DAPL1: variants seen among roughly 807,000 people sequenced by gnomAD.
DAPL1 encodes death-associated protein-like 1.
A neutral mutation model predicts 12.9 loss-of-function variants in DAPL1; 17 were observed. The observed-to-expected ratio is 1.32, with a 90% CI of 0.90 to 1.98. The LOEUF (loss-of-function observed/expected upper bound fraction) is 1.98, where lower values mean the gene tolerates loss of function less well. DAPL1 is among the 30% of genes most tolerant of loss of function. The probability of loss-of-function intolerance (pLI) is 0.00; values close to 1 mark genes in which losing one functional copy is unlikely to be tolerated. For synonymous variants in DAPL1, 51 were observed against 42.0 expected (o/e 1.21, Z -0.82); for missense variants, 157 against 125.7 (o/e 1.25, Z -1.19).
intron 1 of DAPL1, among the ~76,000 whole-genome samples, chr2:158,800,862 C>A (rs2059163523): frequency 6.6e-6 from 1 of 151,986 alleles, no homozygotes; most frequent in African/African-American, 2.4e-5. Context: ...TTTTTTTAGA[C>A]AGAATCTCAC....
At chr2:158,808,251 G>A (rs2059212641) in intron 3 of DAPL1, among the ~76,000 whole-genome samples, 1 of 152,214 alleles carries the variant, frequency 6.6e-6, no homozygotes, top group African/African-American at 2.4e-5. Flanking sequence ...AAAGATTAGT[G>A]CAGCTGGCCT....
In DAPL1 at chr2:158,804,359, G is replaced by T; in HGVS notation, c.136G>T (p.Glu46Ter). Residue 46 changes from glutamate to a stop codon, truncating the protein, a stop_gained, in exon 2 of 4, where the codon GAG becomes TAG. Transcript: ENST00000309950. LOFTEE classifies it high-confidence loss of function. ...AAGACATACCAAAAAAACAGGATTC[G>T]AGAAAACAAGGTAGGGACTCTTAAT... ...LERHTKKTGF[E>*]KTSAIANVAK... is the part of the protein sequence containing the mutation. 6.2e-7 allele frequency: 1 copy of T among 1,608,298 alleles called. No homozygotes were observed. The highest frequency in any genetic ancestry group is 8.5e-7 in the Non-Finnish European group (1 of 1,176,688).
At position 158,804,303 on chromosome 2, in the gene DAPL1, T is replaced by C; in HGVS notation, c.80T>C (p.Ile27Thr). ...PPAVKAGGMR[I>T]SKKQEIGTLE... is the part of the protein sequence containing the mutation. ...GTAGTAAAAGCTGGAGGAATGAGAATTTCCAAAAAACAAGAAATTGGCACC... is the reference window on the plus strand; with the variant it reads ...GTAGTAAAAGCTGGAGGAATGAGAACTTCCAAAAAACAAGAAATTGGCACC... Residue 27 changes from isoleucine to threonine, a missense_variant, in exon 2 of 4, where the codon ATT (isoleucine) becomes ACT (threonine). Transcript: ENST00000309950. The C allele has an allele frequency of 6.2e-7, 1 of 1,610,590 alleles. No homozygotes were observed. The highest frequency in any genetic ancestry group is 8.5e-7 in the Non-Finnish European group (1 of 1,178,098).
At chr2:158,801,300 G>C (rs747756940) in intron 1 of DAPL1, among the ~76,000 whole-genome samples, 4 of 152,194 alleles carry the variant, frequency 2.6e-5, no homozygotes, top group Non-Finnish European at 5.9e-5. Context: ...AAAGGCACTT[G>C]TCATAAGGAG....
At chr2:158,803,278 T>G (rs1414315804) in intron 1 of DAPL1, among the ~76,000 whole-genome samples, 2 of 152,218 alleles carry the variant, frequency 1.3e-5, no homozygotes, top group African/African-American at 4.8e-5. Context: ...TTGGGCCTTA[T>G]GCAGATAAGA....
chr2:158,802,230 T>C (rs2059171933), intron 1 of DAPL1, among the ~76,000 whole-genome samples: 1 of 152,220 alleles, frequency 6.6e-6, no homozygotes, highest in African/African-American at 2.4e-5. Flanking sequence ...ACGCATACTC[T>C]TAAGAACTAA....
intron 3 of DAPL1, among the ~76,000 whole-genome samples, chr2:158,812,727 C>T (rs1260697419): frequency 6.9e-6 from 1 of 145,700 alleles, no homozygotes; most frequent in Admixed American, 7.0e-5. Context: ...CCCGGGAGTT[C>T]AATGTTGCAG....
At chr2:158,807,184 T>C in intron 3 of DAPL1, 69 bp downstream of exon 3, 1 of 1,277,120 alleles carries the variant, frequency 7.8e-7, no homozygotes, top group Non-Finnish European at 1.1e-6. Context: ...CATGGGTGAA[T>C]GAGCGGATGA....
rs913507974 is a variant in DAPL1 at position 158,803,879 on chromosome 2, C to T, written c.59-403C>T. 1.1e-4 allele frequency among the ~76,000 whole-genome samples: 17 copies of T among 152,246 alleles called. 2 individuals are homozygous for T. Among genetic ancestry groups the T allele is most frequent in the Admixed American group, 6.5e-4 (10 of 15,288 alleles). On this transcript the variant is annotated intron_variant, in intron 1 of 3. Coordinates refer to ENST00000309950, the MANE Select transcript of DAPL1 (RefSeq NM_001017920.3). The stretch of plus-strand genomic sequence containing the variant: ...TGGTTGGAAAAAAAAATGCAAGCCA[C>T]GCACAACTTTAATCTGGTGGGAAAA...
intron 1 of DAPL1, 46 bp from the exon 2 acceptor site, chr2:158,804,236 T>C (rs2059186424): frequency 2.3e-6 from 3 of 1,330,704 alleles, no homozygotes; most frequent in Non-Finnish European, 3.2e-6. Context: ...AAAGCAAGCC[T>C]TCTCTCACTG....
At chr2:158,795,452 G>C (rs758609624) in intron 1 of DAPL1, 22 bp downstream of exon 1, 54 of 1,552,608 alleles carry the variant, frequency 3.5e-5, no homozygotes, top group Non-Finnish European at 4.1e-5. Context: ...CCTGCCCTCA[G>C]TCCTGCAGGC....
chr2:158,813,975 C>T (rs1451927774), intron 3 of DAPL1, among the ~76,000 whole-genome samples: 1 of 152,160 alleles, frequency 6.6e-6, no homozygotes, highest in African/African-American at 2.4e-5. Context: ...CTTACCTTGG[C>T]TAATTGCCCA....
intron 3 of DAPL1, among the ~76,000 whole-genome samples, chr2:158,813,098 G>T (rs1479733353): frequency 6.6e-6 from 1 of 152,158 alleles, no homozygotes; most frequent in Non-Finnish European, 1.5e-5. Context: ...GATGGACCTT[G>T]AAGACATTAT....
intron 3 of DAPL1, among the ~76,000 whole-genome samples, chr2:158,815,041 C>G (rs1301472617): frequency 6.6e-6 from 1 of 152,194 alleles, no homozygotes; most frequent in Non-Finnish European, 1.5e-5. Flanking sequence ...TGAAATGTCT[C>G]TTATTGTCAG....
chr2:158,813,593 T>C (rs1359111428), intron 3 of DAPL1, among the ~76,000 whole-genome samples: 4 of 147,958 alleles, frequency 2.7e-5, no homozygotes, highest in Non-Finnish European at 5.9e-5. Flanking sequence ...TCTTGCTCTG[T>C]CGCCCAGGCT....
intron 1 of DAPL1, 21 bp from the exon 2 acceptor site, chr2:158,804,261 C>T (rs769076370): frequency 6.4e-7 from 1 of 1,559,122 alleles, no homozygotes; most frequent in South Asian, 1.1e-5. Context: ...AACTTCCATG[C>T]TGATTTTTAT....
intron 3 of DAPL1, among the ~76,000 whole-genome samples, chr2:158,809,912 G>A (rs1391001114): frequency 6.6e-6 from 1 of 152,032 alleles, no homozygotes. Flanking sequence ...TCACAATAAA[G>A]GTCAACCTGG....
At chr2:158,800,003 G>A (rs768292344) in intron 1 of DAPL1, among the ~76,000 whole-genome samples, 4 of 150,340 alleles carry the variant, frequency 2.7e-5, no homozygotes, top group Non-Finnish European at 2.9e-5. Flanking sequence ...GGCAGAGGTT[G>A]CAGTGAGCCG....
chr2:158,801,965 A>C (rs946516768), intron 1 of DAPL1, among the ~76,000 whole-genome samples: 4 of 152,264 alleles, frequency 2.6e-5, no homozygotes, highest in African/African-American at 9.6e-5. Flanking sequence ...AACAGCTTAC[A>C]GAAAAGGAAA....
Sources: gnomAD v4.1 joint callset for allele counts (sites outside exome capture counted in the v4.1 genomes callset) on GRCh38, gnomAD v4.1.1 for gene constraint, MANE v1.5 for transcripts, NCBI Gene and HGNC (gene_info 2026-07-23, HGNC 2026-07-21) for gene names.